Variants in FRAS1 observed in about 807,000 individuals in gnomAD.
The protein encoded by FRAS1 is extracellular matrix organizing protein FRAS1.
A neutral mutation model predicts 435.2 loss-of-function variants in FRAS1; 290 were observed. That is an observed-to-expected ratio of 0.67 (90% confidence interval 0.61 to 0.73). The LOEUF (loss-of-function observed/expected upper bound fraction) is 0.73, where lower values mean the gene tolerates loss of function less well. Ranked by LOEUF, FRAS1 falls within the 30% of genes least tolerant of loss-of-function variation. The pLI, the probability that FRAS1 is intolerant of heterozygous loss-of-function variation, is 0.00. For synonymous variants in FRAS1, 1,800 were observed against 1,851.0 expected (o/e 0.97, Z 0.71); for missense variants, 4,860 against 5,001.5 (o/e 0.97, Z 0.85).
chr4:78,279,830 C>T (rs1303103751), intron 10 of FRAS1, among the ~76,000 whole-genome samples: 1 of 152,166 alleles, frequency 6.6e-6, no homozygotes, highest in East Asian at 1.9e-4. Context: ...AATAGGATTA[C>T]AGTAGTCCCC....
chr4:78,441,017 T>A, intron 40 of FRAS1, 145 bp from the exon 41 acceptor site: 1 of 684,246 alleles, frequency 1.5e-6, no homozygotes, highest in East Asian at 2.6e-5. Context: ...TACACATTCC[T>A]CATCTCGTCT....
At chr4:78,306,827 G>A (rs2110217044) in intron 14 of FRAS1, among the ~76,000 whole-genome samples, 1 of 152,228 alleles carries the variant, frequency 6.6e-6, no homozygotes, top group East Asian at 1.9e-4. Context: ...CCTGTAGCTT[G>A]GAGTAATTTG....
chr4:78,167,805 ACAG>A (rs1176641125), intron 2 of FRAS1, among the ~76,000 whole-genome samples: 1 of 152,054 alleles, frequency 6.6e-6, no homozygotes, highest in Non-Finnish European at 1.5e-5. Flanking sequence ...GCCAGTTGAC[ACAG>A]TGGGTAGTCA....
intron 7 of FRAS1, 98 bp from the exon 8 acceptor site, chr4:78,266,736 A>T (rs1276288946): frequency 1.2e-6 from 1 of 838,868 alleles, no homozygotes; most frequent in Non-Finnish European, 2.0e-6. Flanking sequence ...GGCTCATCTT[A>T]CAAATGTAAT....
At chr4:78,392,947 A>G (rs1578294825) in intron 29 of FRAS1, among the ~76,000 whole-genome samples, 1 of 151,850 alleles carries the variant, frequency 6.6e-6, no homozygotes, top group African/African-American at 2.4e-5. Flanking sequence ...ATCCTCTCCA[A>G]AAGAAAACAA....
At chr4:78,225,267 A>C (rs967669962) in intron 2 of FRAS1, among the ~76,000 whole-genome samples, 2 of 152,192 alleles carry the variant, frequency 1.3e-5, no homozygotes, top group African/African-American at 4.8e-5. Flanking sequence ...TGGTCAAGAT[A>C]CTTACCTTGC....
intron 30 of FRAS1, among the ~76,000 whole-genome samples, chr4:78,402,248 A>G (rs571783757): frequency 1.9e-4 from 29 of 152,322 alleles, no homozygotes; most frequent in Middle Eastern, 6.8e-3. Flanking sequence ...GGCATATTAA[A>G]TAGCAGAGGA....
chr4:78,328,628 G>T (rs943175444), intron 18 of FRAS1, among the ~76,000 whole-genome samples: 2 of 151,930 alleles, frequency 1.3e-5, no homozygotes, highest in African/African-American at 4.8e-5. Flanking sequence ...TTTGTAAAAG[G>T]AGTCTGAAAA....
Position 78,464,472 on chromosome 4 carries a change from C to T in FRAS1, c.6918C>T (p.His2306=), listed in dbSNP as rs777810320. 6.2e-7 allele frequency: 1 copy of T among 1,613,906 alleles called. No individual in the cohort carries two copies. The highest frequency in any genetic ancestry group is 8.5e-7 in the Non-Finnish European group (1 of 1,179,880). ...CTCAGACTTTCCATATCACTCTTCA[C>T]CCTGTCGATGATTCGCTGCCCGTCG... The part of the protein sequence containing the change: ...EVTQTFHITL[H]PVDDSLPVVQ... The change falls in exon 49 of 74, where the codon CAC becomes CAT. Residue 2306 remains histidine, a synonymous_variant. Coordinates refer to ENST00000512123, the MANE Select transcript of FRAS1 (RefSeq NM_025074.7).
chr4:78,445,641 G>T lies in FRAS1; in HGVS notation c.5785G>T (p.Asp1929Tyr). Residue 1929 changes from aspartate (D) to tyrosine (Y), a missense_variant, in exon 42 of 74, where the codon GAT becomes TAT. Transcript: ENST00000512123. ...TCATGAAAGCATTGAGCCAACCCAT[G>T]ATATTTTTAGTTTTTATGTGAGTGA... is the stretch of plus-strand genomic sequence containing the variant. The part of the protein sequence containing the change: ...SVHESIEPTH[D>Y]IFSFYVSDGT... The T allele has an allele frequency of 6.2e-7, 1 of 1,613,864 alleles. No individual in the cohort carries two copies. Among genetic ancestry groups the T allele is most frequent in the South Asian group, 1.1e-5 (1 of 91,056 alleles).
chr4:78,222,327 G>A (rs1724091786), intron 2 of FRAS1, among the ~76,000 whole-genome samples: 1 of 152,090 alleles, frequency 6.6e-6, no homozygotes, highest in Non-Finnish European at 1.5e-5. Context: ...GTGGTCTCCT[G>A]CTTATTTCAT....
chr4:78,086,075 C>G (rs1741145632), intron 2 of FRAS1, among the ~76,000 whole-genome samples: 1 of 152,304 alleles, frequency 6.6e-6, no homozygotes, highest in East Asian at 1.9e-4. Flanking sequence ...AACAAACTGT[C>G]TCTCAGACCA....
chr4:78,277,018 G>A (rs1727078419), intron 9 of FRAS1, among the ~76,000 whole-genome samples: 1 of 152,160 alleles, frequency 6.6e-6, no homozygotes, highest in Admixed American at 6.5e-5. Flanking sequence ...GCAATGGCAT[G>A]CACCCCTCCC....
At position 78,543,619 on chromosome 4, in the gene FRAS1, T is replaced by C. The variant is rs954131974; in HGVS notation, c.*2495T>C. 4 of 152,230 alleles carry C rather than the reference T, an allele frequency of 2.6e-5. No individual in the cohort carries two copies. The highest frequency in any genetic ancestry group is 5.9e-5 in the Non-Finnish European group (4 of 68,052). 9.4% of individuals were successfully genotyped at this position (152,230 alleles called of 1,614,324 possible). A position where few individuals can be genotyped will look rare whatever the true frequency, so the allele number is the denominator to read the frequency against. ...TTTCACCCCACTAAATGTATGTTAT[T>C]GAATGCCAGTACTTCTCTAGTGGAT... is the stretch of plus-strand genomic sequence containing the variant. On this transcript the variant is annotated 3_prime_UTR_variant, in exon 74 of 74. Coordinates refer to ENST00000512123, the MANE Select transcript of FRAS1 (RefSeq NM_025074.7).
At chr4:78,145,759 G>A (rs1228723179) in intron 2 of FRAS1, among the ~76,000 whole-genome samples, 2 of 152,138 alleles carry the variant, frequency 1.3e-5, no homozygotes, top group Non-Finnish European at 2.9e-5. Flanking sequence ...AAATCTCGTC[G>A]TGAATTGTAA....
chr4:78,519,194 C>T (rs1350706436), intron 66 of FRAS1, 137 bp from the exon 67 acceptor site: 4 of 652,850 alleles, frequency 6.1e-6, no homozygotes, highest in African/African-American at 5.6e-5. Flanking sequence ...TAAGTGCAAT[C>T]ATGGGCACTT....
At chr4:78,337,524 C>T (rs901148146) in intron 19 of FRAS1, 150 bp from the exon 20 acceptor site, 3 of 856,170 alleles carry the variant, frequency 3.5e-6, no homozygotes, top group African/African-American at 3.4e-5. Flanking sequence ...TAGGTCAGGT[C>T]CAAGGGTGTG....
intron 15 of FRAS1, among the ~76,000 whole-genome samples, chr4:78,315,058 T>G (rs345518): frequency 0.69 from 105,088 of 152,032 alleles, 36,959 homozygotes; most frequent in African/African-American, 0.77. Flanking sequence ...ATGTTTTAGG[T>G]GGTAAATGAA....
intron 9 of FRAS1, among the ~76,000 whole-genome samples, chr4:78,272,829 GT>G (rs200090087): frequency 0.026 from 4,025 of 152,230 alleles, 183 homozygotes; most frequent in African/African-American, 0.09. Context: ...CTTTAAAGTA[GT>G]TTTTTCCAAT....
Sources: allele counts gnomAD v4.1 joint callset (sites outside exome capture counted in the v4.1 genomes callset), GRCh38; gene constraint gnomAD v4.1.1; transcripts MANE v1.5; gene names NCBI Gene and HGNC (gene_info 2026-07-23, HGNC 2026-07-21).